The following DIPK1A variants were observed in gnomAD, a reference collection of about 807,000 sequenced individuals.
DIPK1A encodes the protein family with sequence similarity 69 member A.
In DIPK1A, 27 loss-of-function variants were observed where a neutral mutation model predicts 40.8. The ratio of observed to expected loss-of-function variants is 0.66; its 90% CI spans 0.49 to 0.91. The LOEUF (loss-of-function observed/expected upper bound fraction) is 0.91. DIPK1A is among the 40% of genes least tolerant of loss of function. The pLI, the probability that DIPK1A is intolerant of heterozygous loss-of-function variation, is 0.00. For missense variants in DIPK1A, 412 were observed against 505.7 expected, an observed-to-expected ratio of 0.81 and a Z score of 1.78; for synonymous variants, 166 against 171.3, an observed-to-expected ratio of 0.97 and a Z score of 0.24.
At chr1:92,893,295 G>C (rs1648984569) in intron 1 of DIPK1A, among the ~76,000 whole-genome samples, 1 of 151,700 alleles carries the variant, frequency 6.6e-6, no homozygotes, top group African/African-American at 2.4e-5. Flanking sequence ...CAGACTAACA[G>C]CGGATCTCTC....
intron 1 of DIPK1A, among the ~76,000 whole-genome samples, chr1:92,915,425 C>T (rs1313835529): frequency 2.0e-5 from 3 of 152,112 alleles, no homozygotes; most frequent in Non-Finnish European, 4.4e-5. Context: ...AAAATATATA[C>T]CATTACCAAT....
intron 2 of DIPK1A, among the ~76,000 whole-genome samples, chr1:92,858,275 A>G (rs544968190): frequency 6.6e-6 from 1 of 152,316 alleles, no homozygotes; most frequent in East Asian, 1.9e-4. Flanking sequence ...CCATCTTTCA[A>G]TAATCATCTT....
At chr1:92,941,628 A>C (rs1306409815) in intron 1 of DIPK1A, among the ~76,000 whole-genome samples, 1 of 152,182 alleles carries the variant, frequency 6.6e-6, no homozygotes, top group Admixed American at 6.5e-5. Context: ...GTAATATCTA[A>C]AATGGATTAG....
At chr1:92,892,194 C>T (rs192674877) in intron 1 of DIPK1A, among the ~76,000 whole-genome samples, 57 of 152,186 alleles carry the variant, frequency 3.7e-4, no homozygotes, top group African/African-American at 1.1e-3. Flanking sequence ...GATCTGAGAA[C>T]GGACAGACTG....
chr1:92,914,072 GTCTC>G (rs1416306033), intron 1 of DIPK1A, among the ~76,000 whole-genome samples: 2 of 151,732 alleles, frequency 1.3e-5, no homozygotes, highest in East Asian at 1.9e-4. Flanking sequence ...TTTCTCAGTT[GTCTC>G]TCTCTCTGAC....
intron 1 of DIPK1A, among the ~76,000 whole-genome samples, chr1:92,916,865 T>C (rs1165826918): frequency 1.3e-5 from 2 of 152,164 alleles, no homozygotes; most frequent in African/African-American, 2.4e-5. Context: ...ATAACGATAA[T>C]CTAAATTAAC....
intron 1 of DIPK1A, among the ~76,000 whole-genome samples, chr1:92,925,922 G>T (rs545693628): frequency 1.3e-5 from 2 of 152,128 alleles, no homozygotes; most frequent in African/African-American, 2.4e-5. Flanking sequence ...TTATCTTTTT[G>T]AAGTTTACAG....
At chr1:92,859,726 A>G (rs1688105224) in intron 2 of DIPK1A, among the ~76,000 whole-genome samples, 1 of 152,210 alleles carries the variant, frequency 6.6e-6, no homozygotes, top group Admixed American at 6.5e-5. Context: ...TTCTCGAGAC[A>G]GGGTCTCACT....
intron 1 of DIPK1A, among the ~76,000 whole-genome samples, chr1:92,885,136 G>T (rs962203262): frequency 1.1e-4 from 17 of 152,148 alleles, no homozygotes; most frequent in Non-Finnish European, 4.4e-5. Flanking sequence ...AGACCAGGGA[G>T]GGGTGGAAGA....
chr1:92,942,701 C>T (rs1332073000), intron 1 of DIPK1A, among the ~76,000 whole-genome samples: 1 of 151,960 alleles, frequency 6.6e-6, no homozygotes, highest in Non-Finnish European at 1.5e-5. Context: ...GCACTGTCAC[C>T]CAGGCTGGAG....
intron 1 of DIPK1A, chr1:92,931,621 G>A (rs1650752835): frequency 6.3e-6 from 1 of 159,452 alleles, no homozygotes; most frequent in Admixed American, 6.4e-5. Flanking sequence ...AGGCATTACT[G>A]CTGTGTTAGT....
intron 4 of DIPK1A, chr1:92,836,914 G>T: frequency 4.5e-6 from 1 of 223,314 alleles, no homozygotes; most frequent in Non-Finnish European, 9.0e-6. Flanking sequence ...TTGAGTCTGT[G>T]CATCTTGATT....
intron 1 of DIPK1A, among the ~76,000 whole-genome samples, chr1:92,921,182 G>A (rs557753666): frequency 2.0e-5 from 3 of 152,156 alleles, no homozygotes; most frequent in East Asian, 1.9e-4. Context: ...TTAATCCCAA[G>A]TTGCTTTGTT....
At chr1:92,861,678 T>G (rs1647278408) in intron 2 of DIPK1A, among the ~76,000 whole-genome samples, 1 of 152,094 alleles carries the variant, frequency 6.6e-6, no homozygotes, top group Admixed American at 6.5e-5. Context: ...TTTTAGTCCT[T>G]ATATTATTTA....
At chr1:92,936,894 G>A (rs1650966830) in intron 1 of DIPK1A, among the ~76,000 whole-genome samples, 1 of 152,094 alleles carries the variant, frequency 6.6e-6, no homozygotes. Context: ...TCTACTACTT[G>A]AGACAACTGT....
intron 1 of DIPK1A, among the ~76,000 whole-genome samples, chr1:92,889,414 G>A (rs867468271): frequency 5.9e-5 from 9 of 152,164 alleles, no homozygotes; most frequent in South Asian, 4.2e-4. Context: ...AGTATATTTC[G>A]AAATCTGGTA....
At chr1:92,925,448 ATT>A (rs1650452003) in intron 1 of DIPK1A, among the ~76,000 whole-genome samples, 1 of 152,120 alleles carries the variant, frequency 6.6e-6, no homozygotes, top group South Asian at 2.1e-4. Context: ...CACAAAGTGA[ATT>A]TCCTTGACAC....
intron 1 of DIPK1A, among the ~76,000 whole-genome samples, chr1:92,877,345 G>A (rs1050621595): frequency 1.3e-5 from 2 of 152,114 alleles, no homozygotes; most frequent in South Asian, 2.1e-4. Flanking sequence ...AAGAGAATTC[G>A]GCAGAATAAA....
chr1:92,948,659 AT>A (rs1651473033), intron 1 of DIPK1A, among the ~76,000 whole-genome samples: 1 of 146,596 alleles, frequency 6.8e-6, no homozygotes, highest in East Asian at 1.9e-4. Flanking sequence ...ATACGTATAT[AT>A]ACATATGTGT....
Sources: gnomAD v4.1 joint callset for allele counts (sites outside exome capture counted in the v4.1 genomes callset) on GRCh38, gnomAD v4.1.1 for gene constraint, MANE v1.5 for transcripts, NCBI Gene and HGNC (gene_info 2026-07-23, HGNC 2026-07-21) for gene names.